The following NBPF9 variants were observed in gnomAD, a reference collection of about 807,000 sequenced individuals.
The protein encoded by NBPF9 is NBPF member 9.
A neutral mutation model predicts 97.8 loss-of-function variants in NBPF9; 91 were observed. That is an observed-to-expected ratio of 0.93 (90% CI 0.79 to 1.11). The LOEUF (loss-of-function observed/expected upper bound fraction) is 1.11. NBPF9 is among the 50% of genes least tolerant of loss of function. NBPF9 has a pLI of 0.00. For synonymous variants in NBPF9, 334 were observed against 359.5 expected (o/e 0.93, Z 0.80); for missense variants, 992 against 939.5 (o/e 1.06, Z -0.73).
intron 1 of NBPF9, among the ~76,000 whole-genome samples, chr1:149,103,082 G>A (rs1457597222): frequency 6.6e-6 from 1 of 152,024 alleles, no homozygotes; most frequent in Non-Finnish European, 1.5e-5. Flanking sequence ...TTCTTCCCCA[G>A]CGCCCAAGAG....
At chr1:149,073,171 G>A (rs1264996428) in intron 13 of NBPF9, among the ~76,000 whole-genome samples, 3 of 148,682 alleles carry the variant, frequency 2.0e-5, no homozygotes, top group African/African-American at 7.4e-5. Context: ...TTTCCCTTCT[G>A]TAAACAAAAG....
chr1:149,071,178 A>C, intron 15 of NBPF9, 39 bp from the exon 16 acceptor site: 1 of 1,319,214 alleles, frequency 7.6e-7, no homozygotes, highest in East Asian at 2.3e-5. Flanking sequence ...AGAAGATTAA[A>C]CACAGAGGGA....
chr1:149,087,277 T>C (rs2081084873), intron 5 of NBPF9, among the ~76,000 whole-genome samples: 1 of 151,454 alleles, frequency 6.6e-6, no homozygotes, highest in Non-Finnish European at 1.5e-5. Flanking sequence ...TGTATATATA[T>C]ATATATTCCC....
At chr1:149,055,545 T>A (rs1342012274) in exon 30 of NBPF9, 3 of 1,568,010 alleles carry the variant, frequency 1.9e-6, no homozygotes, top group Non-Finnish European at 2.6e-6. Flanking sequence ...CCATGCCCAC[T>A]GACCCATCCT....
chr1:149,087,213 G>T (rs1436857458), intron 5 of NBPF9, among the ~76,000 whole-genome samples: 1 of 151,376 alleles, frequency 6.6e-6, no homozygotes. Context: ...GTTTCAATGT[G>T]CTGTTTATCG....
chr1:149,072,994 T>C, intron 13 of NBPF9, 62 bp from the exon 14 acceptor site: 1 of 1,560,060 alleles, frequency 6.4e-7, no homozygotes, highest in East Asian at 2.2e-5. Context: ...GCTCAAATAT[T>C]GCAACAGAGA....
chr1:149,055,595 A>C (rs61807990), exon 30 of NBPF9: 5 of 1,513,006 alleles, frequency 3.3e-6, no homozygotes, highest in South Asian at 1.2e-5. Context: ...TTCATTCAAA[A>C]CTTCACGTGC....
downstream of NBPF9, among the ~76,000 whole-genome samples, chr1:149,053,858 C>A (rs1467938241): frequency 2.0e-5 from 3 of 146,844 alleles, no homozygotes; most frequent in African/African-American, 7.7e-5. Context: ...ATGAGCTATA[C>A]AACCCTTCCT....
chr1:149,062,518 G>C (rs1435094676), intron 21 of NBPF9, among the ~76,000 whole-genome samples: 2 of 144,282 alleles, frequency 1.4e-5, no homozygotes, highest in African/African-American at 5.1e-5. Flanking sequence ...GTGACACACT[G>C]ATGAAGGGGT....
chr1:149,055,714 G>C (rs782738482), exon 30 of NBPF9: 4 of 1,611,800 alleles, frequency 2.5e-6, no homozygotes, highest in African/African-American at 1.3e-5. Flanking sequence ...CACCGTCAAA[G>C]TAAAAAACCT....
intron 5 of NBPF9, chr1:149,090,253 T>C (rs1383580411): frequency 6.5e-5 from 10 of 154,226 alleles, no homozygotes; most frequent in Admixed American, 3.1e-4. Context: ...GGTTTCTTTT[T>C]GGCTACTTTG....
At chr1:149,064,768 G>T (rs1172473913) in intron 18 of NBPF9, 2 of 604,400 alleles carry the variant, frequency 3.3e-6, no homozygotes, top group Admixed American at 2.9e-5. Context: ...CCAATAAATT[G>T]TAGGCAAATA....
rs1413211254 is a variant in NBPF9, at chr1:149,074,472, AAG to A, written c.989-604_989-603del. Among the ~76,000 whole-genome samples the A allele has an allele frequency of 2.7e-4, 41 of 151,742 alleles. 1 individual carries two copies. Among genetic ancestry groups the A allele is most frequent in the Non-Finnish European group, 5.8e-4 (39 of 67,782 alleles). The stretch of plus-strand genomic sequence containing the variant: ...GTGTTAATTTAGAAACAGCAGAATG[AAG>A]AACTAATAGATAGTGTTTACTCTGT... On this transcript the variant is annotated intron_variant, in intron 12 of 29. Transcript: ENST00000584027.
At chr1:149,068,593 T>C (rs1470439299) in intron 17 of NBPF9, among the ~76,000 whole-genome samples, 2 of 151,656 alleles carry the variant, frequency 1.3e-5, no homozygotes, top group Non-Finnish European at 2.9e-5. Flanking sequence ...TAAATATATA[T>C]GCACCCTATA....
At chr1:149,070,654 T>A (rs1485574263) in intron 16 of NBPF9, among the ~76,000 whole-genome samples, 2 of 151,760 alleles carry the variant, frequency 1.3e-5, no homozygotes, top group Non-Finnish European at 2.9e-5. Context: ...CAAGAGATAC[T>A]GAATCGAAGC....
At chr1:149,088,745 A>G (rs1161606508) in intron 5 of NBPF9, among the ~76,000 whole-genome samples, 3 of 152,038 alleles carry the variant, frequency 2.0e-5, no homozygotes, top group Middle Eastern at 3.2e-3. Context: ...GAGGCCGGGC[A>G]TGGTGGCTCA....
At chr1:149,087,164 T>C (rs1324519196) in intron 5 of NBPF9, among the ~76,000 whole-genome samples, 2 of 152,066 alleles carry the variant, frequency 1.3e-5, no homozygotes, top group African/African-American at 4.8e-5. Flanking sequence ...ACCATTCATG[T>C]GTCTTCTTTT....
chr1:149,064,826 A>T (rs1418129973), intron 18 of NBPF9: 9 of 553,696 alleles, frequency 1.6e-5, no homozygotes, highest in Non-Finnish European at 2.6e-5. Context: ...GCTTTCTCTC[A>T]TCAAATACCC....
intron 4 of NBPF9, among the ~76,000 whole-genome samples, chr1:149,097,436 CAAAG>C (rs1461955519): frequency 6.6e-6 from 1 of 152,124 alleles, no homozygotes; most frequent in African/African-American, 2.4e-5. Flanking sequence ...TCTGGTGCCC[CAAAG>C]AAAGAGATGA....
Sources: allele counts gnomAD v4.1 joint callset (sites outside exome capture counted in the v4.1 genomes callset), GRCh38; gene constraint gnomAD v4.1.1; transcripts MANE v1.5; gene names NCBI Gene and HGNC (gene_info 2026-07-23, HGNC 2026-07-21).